Variants in CPNE4 observed in about 807,000 individuals in gnomAD.
The protein encoded by CPNE4 is copine 4.
Under a neutral mutation model 67.9 loss-of-function variants are expected in CPNE4, and 25 were observed. The observed-to-expected ratio is 0.37, with a 90% CI of 0.27 to 0.51. The LOEUF is 0.51. CPNE4 is among the 20% of genes least tolerant of loss of function. The pLI is 0.93. For synonymous variants in CPNE4, 242 were observed against 244.9 expected, an observed-to-expected ratio of 0.99 and a Z score of 0.11; for missense variants, 464 against 690.8, an observed-to-expected ratio of 0.67 and a Z score of 3.68.
chr3:131,710,277 A>G (rs898287918), intron 3 of CPNE4, among the ~76,000 whole-genome samples: 2 of 152,210 alleles, frequency 1.3e-5, no homozygotes, highest in Admixed American at 1.3e-4. Context: ...CAAGGGAAAG[A>G]TGGGGTCTAA....
chr3:131,872,025 G>A (rs1460075032), intron 2 of CPNE4, among the ~76,000 whole-genome samples: 1 of 152,142 alleles, frequency 6.6e-6, no homozygotes, highest in Non-Finnish European at 1.5e-5. Flanking sequence ...TCCATCAAGA[G>A]ATGAGATCCT....
chr3:131,887,442 G>T (rs932665242), intron 2 of CPNE4, among the ~76,000 whole-genome samples: 7 of 152,130 alleles, frequency 4.6e-5, no homozygotes, highest in African/African-American at 1.7e-4. Flanking sequence ...ATATTATTAT[G>T]ACATCTCTGA....
chr3:131,937,561 A>G (rs1301118917), intron 1 of CPNE4, among the ~76,000 whole-genome samples: 2 of 152,190 alleles, frequency 1.3e-5, no homozygotes, highest in Non-Finnish European at 2.9e-5. Flanking sequence ...TGGCAAAAAA[A>G]CAGTGCACTG....
In CPNE4 at chr3:131,885,665, A is replaced by G. The variant is rs185283576; in HGVS notation, c.180+19599T>C. 1.9e-3 allele frequency among the ~76,000 whole-genome samples: 290 copies of G among 152,108 alleles called. 1 individual carries two copies. The highest frequency in any genetic ancestry group is 6.6e-3 in the African/African-American group (274 of 41,478). The stretch of plus-strand genomic sequence containing the variant: ...ACTAACTCGTCATCTAGCATTAGGT[A>G]TATCTCCCAATGCTATCCCTCCTGC... On this transcript the variant is annotated intron_variant, in intron 2 of 15. Coordinates refer to ENST00000429747, the MANE Select transcript of CPNE4 (RefSeq NM_130808.3).
intron 2 of CPNE4, among the ~76,000 whole-genome samples, chr3:131,853,335 T>C (rs1202924969): frequency 1.3e-5 from 2 of 151,704 alleles, no homozygotes; most frequent in Non-Finnish European, 3.0e-5. Context: ...AGCGTAAAAA[T>C]ATTTTAACAA....
Position 131,577,307 on chromosome 3 carries a change from G to A in CPNE4, c.868-2177C>T, listed in dbSNP as rs551763405. Among the ~76,000 whole-genome samples the A allele has an allele frequency of 2.2e-4, 33 of 151,972 alleles. No individual in the cohort carries two copies. In the South Asian group the frequency reaches 4.4e-3, roughly 20 times the overall value. On this transcript the variant is annotated intron_variant, in intron 9 of 15. Transcript: ENST00000429747. ...CACATAAACACACACATACACACAC[G>A]TATACATATATACAATCATGTGTCA... is the stretch of plus-strand genomic sequence containing the variant.
At chr3:132,002,947 T>C (rs993830709) in intron 1 of CPNE4, among the ~76,000 whole-genome samples, 15 of 152,116 alleles carry the variant, frequency 9.9e-5, no homozygotes, top group Admixed American at 3.3e-4. Context: ...GCCTCAGCAT[T>C]ACCTGGAACC....
intron 7 of CPNE4, among the ~76,000 whole-genome samples, chr3:131,625,775 CA>C (rs945016141): frequency 6.6e-5 from 10 of 152,246 alleles, no homozygotes; most frequent in Middle Eastern, 6.8e-3. Context: ...ACAATCAATG[CA>C]GGCACACTTT....
intron 2 of CPNE4, among the ~76,000 whole-genome samples, chr3:131,882,046 C>G (rs114841205): frequency 7.9e-5 from 12 of 152,074 alleles, no homozygotes; most frequent in Non-Finnish European, 4.4e-5. Flanking sequence ...TTCTCTTCCT[C>G]TCTTTAAATA....
upstream of CPNE4, among the ~76,000 whole-genome samples, chr3:132,037,145 C>A (rs2074353977): frequency 6.6e-6 from 1 of 152,208 alleles, no homozygotes; most frequent in Non-Finnish European, 1.5e-5. Flanking sequence ...AGAAAAACAA[C>A]ATAGTTATCT....
intron 2 of CPNE4, among the ~76,000 whole-genome samples, chr3:131,787,023 C>A (rs888999792): frequency 6.6e-6 from 1 of 152,160 alleles, no homozygotes; most frequent in Non-Finnish European, 1.5e-5. Context: ...TCGACTTGAA[C>A]TTCTGCCTCT....
At chr3:131,552,920 G>C (rs956635926) in intron 12 of CPNE4, among the ~76,000 whole-genome samples, 6 of 152,036 alleles carry the variant, frequency 3.9e-5, no homozygotes, top group African/African-American at 1.4e-4. Flanking sequence ...GATAGCGATG[G>C]TTATAAAAGC....
chr3:131,998,271 A>G (rs1190292084), intron 1 of CPNE4, among the ~76,000 whole-genome samples: 2 of 152,116 alleles, frequency 1.3e-5, no homozygotes, highest in Non-Finnish European at 2.9e-5. Flanking sequence ...CAAGAAAACC[A>G]TGGCCAATTG....
intron 2 of CPNE4, among the ~76,000 whole-genome samples, chr3:131,725,961 C>G (rs1177720011): frequency 6.6e-6 from 1 of 152,082 alleles, no homozygotes; most frequent in Non-Finnish European, 1.5e-5. Context: ...AACATCTGGT[C>G]CAAATTCATG....
At chr3:131,692,582 T>A (rs2081058683) in intron 5 of CPNE4, among the ~76,000 whole-genome samples, 1 of 152,202 alleles carries the variant, frequency 6.6e-6, no homozygotes. Flanking sequence ...GCCACATTCA[T>A]TCATTTTTGT....
chr3:131,567,165 G>A (rs1937101535), intron 10 of CPNE4, among the ~76,000 whole-genome samples: 1 of 151,840 alleles, frequency 6.6e-6, no homozygotes, highest in Non-Finnish European at 1.5e-5. Flanking sequence ...AAAACATGCT[G>A]GTGTCTTGAT....
chr3:131,602,580 G>T (rs1219662159), intron 7 of CPNE4, among the ~76,000 whole-genome samples: 1 of 152,130 alleles, frequency 6.6e-6, no homozygotes, highest in Non-Finnish European at 1.5e-5. Context: ...GGCTTGGTTA[G>T]CTCAGATAAG....
chr3:131,712,230 T>C (rs1337138214), intron 3 of CPNE4, among the ~76,000 whole-genome samples: 1 of 152,368 alleles, frequency 6.6e-6, no homozygotes, highest in East Asian at 1.9e-4. Flanking sequence ...ATAATATTTT[T>C]CTAATCATAG....
intron 1 of CPNE4, among the ~76,000 whole-genome samples, chr3:131,974,066 T>G (rs114999403): frequency 0.011 from 1,721 of 152,268 alleles, 14 homozygotes; most frequent in Non-Finnish European, 0.019. Flanking sequence ...AGGGCTGTCA[T>G]TAAAATCCTG....
Sources: gnomAD v4.1 joint callset for allele counts (sites outside exome capture counted in the v4.1 genomes callset) on GRCh38, gnomAD v4.1.1 for gene constraint, MANE v1.5 for transcripts, NCBI Gene and HGNC (gene_info 2026-07-23, HGNC 2026-07-21) for gene names.